Variants in MROH9 observed in about 807,000 individuals in gnomAD.
MROH9 encodes maestro heat like repeat family member 9.
A neutral mutation model predicts 98.2 loss-of-function variants in MROH9; 92 were observed. The ratio of observed to expected loss-of-function variants is 0.94; its 90% confidence interval spans 0.79 to 1.11. The LOEUF (loss-of-function observed/expected upper bound fraction) is 1.11, where lower values mean the gene tolerates loss of function less well. MROH9 is among the 50% of genes most tolerant of loss of function. MROH9 has a pLI of 0.00. For synonymous variants in MROH9, 397 were observed against 368.9 expected (o/e 1.08, Z -0.87); for missense variants, 1,057 against 1,014.8 (o/e 1.04, Z -0.57).
intron 4 of MROH9, among the ~76,000 whole-genome samples, chr1:170,958,926 G>T (rs939603859): frequency 6.6e-6 from 1 of 152,242 alleles, no homozygotes; most frequent in African/African-American, 2.4e-5. Context: ...TGTTTATGGA[G>T]AAATATATTC....
chr1:170,973,136 C>T lies in MROH9; in HGVS notation c.616+1253C>T, dbSNP rs1253716420. 2.6e-5 allele frequency among the ~76,000 whole-genome samples: 4 copies of T among 152,194 alleles called. No individual in the cohort carries two copies. In the East Asian group the frequency reaches 5.8e-4, roughly 22 times the overall value. ...ACGCATACACACACACACACACGCA[C>T]GCACAAACCCACAAACTCGAGATCT... On this transcript the variant is annotated intron_variant, in intron 8 of 21. Coordinates refer to ENST00000367759, the MANE Select transcript of MROH9 (RefSeq NM_001163629.2).
chr1:171,057,982 A>G (rs185281315), intron 20 of MROH9, among the ~76,000 whole-genome samples: 5 of 152,212 alleles, frequency 3.3e-5, no homozygotes, highest in Admixed American at 3.3e-4. Context: ...AAAAAACACC[A>G]AAATATATTC....
intron 1 of MROH9, among the ~76,000 whole-genome samples, chr1:170,938,903 G>A (rs1383611928): frequency 1.3e-5 from 2 of 152,190 alleles, no homozygotes; most frequent in Non-Finnish European, 2.9e-5. Flanking sequence ...CCACAGCTAG[G>A]TTGTCCTTGA....
chr1:170,936,482 T>C (rs28757881), intron 1 of MROH9, among the ~76,000 whole-genome samples: 25,023 of 152,184 alleles, frequency 0.16, 2,238 homozygotes, highest in Non-Finnish European at 0.2. Flanking sequence ...TGTCATCTCC[T>C]ATCATCAGAA....
chr1:171,039,433 T>A (rs1159780163), intron 20 of MROH9, among the ~76,000 whole-genome samples: 1 of 152,170 alleles, frequency 6.6e-6, no homozygotes, highest in Non-Finnish European at 1.5e-5. Flanking sequence ...GTTTCCCATA[T>A]CAGCTCCAAA....
chr1:170,941,484 A>G (rs1292385602), intron 1 of MROH9, among the ~76,000 whole-genome samples: 1 of 152,088 alleles, frequency 6.6e-6, no homozygotes, highest in Middle Eastern at 3.2e-3. Flanking sequence ...TAGGCCTCCT[A>G]TCTGTTTAAC....
intron 15 of MROH9, among the ~76,000 whole-genome samples, chr1:171,006,994 T>C (rs568587560): frequency 6.6e-6 from 1 of 152,230 alleles, no homozygotes; most frequent in South Asian, 2.1e-4. Context: ...ACTGGAGCTT[T>C]ATAAGTCTTC....
At chr1:171,015,090 T>C in intron 16 of MROH9, 1 of 470,958 alleles carries the variant, frequency 2.1e-6, no homozygotes, top group East Asian at 6.9e-5. Flanking sequence ...GTGCAAATGT[T>C]CTATAAATCA....
In MROH9 at chr1:171,025,318, A is replaced by G; in HGVS notation, c.2179A>G (p.Ile727Val). 1.3e-6 allele frequency: 2 copies of G among 1,533,824 alleles called. No individual in the cohort carries two copies. Among genetic ancestry groups the G allele is most frequent in the South Asian group, 1.2e-5 (1 of 83,596 alleles). ...TGCTTTTTTCCCTTTTTATTCTCAG[A>G]TTATTTCTCATAGGAACTACATTAC... ...MVVLNICNNLIISHRNYITDL... is the reference protein window; with the variant it reads ...MVVLNICNNLVISHRNYITDL... Residue 727 changes from isoleucine to valine, a missense_variant and splice_region_variant, in exon 20 of 22, where the codon ATT (isoleucine) becomes GTT (valine). Physicochemically the swap from Ile to Val is conservative, Grantham distance 29 (BLOSUM62 3). Coordinates refer to ENST00000367759, the MANE Select transcript of MROH9 (RefSeq NM_001163629.2).
At chr1:170,948,294 C>T (rs1404509717) in intron 3 of MROH9, among the ~76,000 whole-genome samples, 7 of 151,940 alleles carry the variant, frequency 4.6e-5, no homozygotes, top group Admixed American at 1.3e-4. Flanking sequence ...AATGCTTCAG[C>T]GTGGATATTA....
chr1:170,989,881 C>G lies in MROH9; in HGVS notation c.906C>G (p.Tyr302Ter). ...TMVSKIVDAI[Y>*]RQLCDNNCMK... ...TGTCTAAGATCGTGGATGCTATTTA[C>G]AGGCAACTGTGTGATAACAATTGTA... The change falls in exon 11 of 22, where the codon TAC (tyrosine) becomes TAG (stop). Residue 302 changes from tyrosine (Y) to a stop codon, truncating the protein, a stop_gained. Coordinates refer to ENST00000367759, the MANE Select transcript of MROH9 (RefSeq NM_001163629.2). LOFTEE classifies it high-confidence loss of function. The G allele has an allele frequency of 6.2e-7, 1 of 1,608,268 alleles. No homozygotes were observed. The highest frequency in any genetic ancestry group is 8.5e-7 in the Non-Finnish European group (1 of 1,175,524).
At chr1:171,042,777 A>G (rs1036122076) in intron 20 of MROH9, among the ~76,000 whole-genome samples, 1 of 152,042 alleles carries the variant, frequency 6.6e-6, no homozygotes, top group Admixed American at 6.5e-5. Context: ...TGCCATTTGT[A>G]TGTCTTCTTT....
At chr1:171,053,372 G>C (rs919973629) in intron 20 of MROH9, among the ~76,000 whole-genome samples, 2 of 152,188 alleles carry the variant, frequency 1.3e-5, no homozygotes, top group Middle Eastern at 3.2e-3. Context: ...CATCCTAGGA[G>C]AAAGAGTAAA....
intron 11 of MROH9, among the ~76,000 whole-genome samples, chr1:170,991,170 T>C (rs896309934): frequency 2.0e-5 from 3 of 152,124 alleles, no homozygotes; most frequent in East Asian, 3.9e-4. Context: ...GCATAATTTG[T>C]TAGGTGAACT....
Position 170,998,185 on chromosome 1 carries a change from C to A in MROH9, c.1507C>A (p.Pro503Thr). ...TLSEYNFPQF[P>T]ETLSYLYKLS... Reference sequence around the variant, plus strand: ...CAGTGAATATAACTTTCCACAGTTTCCGGAGACCCTGAGTTATCTCTATAA... The same window carrying A: ...CAGTGAATATAACTTTCCACAGTTTACGGAGACCCTGAGTTATCTCTATAA... The change falls in exon 15 of 22, where the codon CCG becomes ACG. Residue 503 changes from proline (P) to threonine (T), a missense_variant. Physicochemically the swap from Pro to Thr is conservative, Grantham distance 38 (BLOSUM62 -1). Transcript: ENST00000367759. 6.2e-7 allele frequency: 1 copy of A among 1,610,438 alleles called. No homozygotes were observed. The highest frequency in any genetic ancestry group is 8.5e-7 in the Non-Finnish European group (1 of 1,178,762).
intron 20 of MROH9, among the ~76,000 whole-genome samples, chr1:171,028,412 T>C (rs942327018): frequency 3.9e-5 from 6 of 152,150 alleles, no homozygotes; most frequent in African/African-American, 1.4e-4. Context: ...CAGTACCATG[T>C]TGTTTTGATT....
In MROH9 at chr1:170,965,231, TAC is replaced by T. The variant is rs1252185209; in HGVS notation, c.458_459del (p.Thr153SerfsTer11). 5 of 1,610,944 alleles carry T rather than the reference TAC, an allele frequency of 3.1e-6. No individual in the cohort carries two copies. In the Admixed American group the frequency reaches 5.0e-5, roughly 16 times the overall value. On this transcript the variant is annotated frameshift_variant, in exon 7 of 22. Coordinates refer to ENST00000367759, the MANE Select transcript of MROH9 (RefSeq NM_001163629.2). LOFTEE classifies it high-confidence loss of function. ...TGATCATCAACAAGGTGTTAAGATT[TAC>T]AGTCACAAAAGTCAGAAAATACGTA... ...MVIINKVLRFTVTKVRKYISV... is the reference protein window; with the variant it reads ...MVIINKVLRFXVTKVRKYISV...
chr1:171,015,058 A>T (rs1171010040), intron 16 of MROH9: 2 of 471,672 alleles, frequency 4.2e-6, no homozygotes, highest in African/African-American at 4.0e-5. Flanking sequence ...TACACTCCAA[A>T]GTATCTTGCA....
chr1:171,026,228 C>T (rs191250956), intron 20 of MROH9, among the ~76,000 whole-genome samples: 2 of 151,786 alleles, frequency 1.3e-5, no homozygotes, highest in Admixed American at 6.6e-5. Context: ...CACACACACA[C>T]CCTCACAAAG....
Sources: gnomAD v4.1 joint callset for allele counts (sites outside exome capture counted in the v4.1 genomes callset) on GRCh38, gnomAD v4.1.1 for gene constraint, MANE v1.5 for transcripts, NCBI Gene and HGNC (gene_info 2026-07-23, HGNC 2026-07-21) for gene names.